Variants in PLA2G5 observed in about 807,000 individuals in gnomAD.
The protein encoded by PLA2G5 is phospholipase A2 group V, also known as Ca2+-dependent phospholipase A2.
A neutral mutation model predicts 15.9 loss-of-function variants in PLA2G5; 12 were observed. The observed-to-expected ratio is 0.76, with a 90% confidence interval of 0.48 to 1.23. The LOEUF is 1.23. Ranked by LOEUF, PLA2G5 falls within the 50% of genes most tolerant of loss-of-function variation. The pLI is 0.00. For synonymous variants in PLA2G5, 71 were observed against 71.4 expected (o/e 0.99, Z 0.03); for missense variants, 169 against 177.1 (o/e 0.95, Z 0.26).
chr1:20,067,623 G>A (rs2015106672), upstream of PLA2G5, among the ~76,000 whole-genome samples: 1 of 152,110 alleles, frequency 6.6e-6, no homozygotes, highest in African/African-American at 2.4e-5. Flanking sequence ...GGGAGGCAGA[G>A]GTTGCAGTGA....
chr1:20,039,705 T>A lies in PLA2G5; in HGVS notation n.276+10996T>A, dbSNP rs539025313. On this transcript the variant is annotated intron_variant and non_coding_transcript_variant, in intron 1 of 6. Coordinates refer to the PLA2G5 transcript ENST00000460175. ...AGAGAGAGAGAAGCCATTTTTTGTG[T>A]GCCATGTCTTATAAGAACTTTACAT... 9.2e-5 allele frequency among the ~76,000 whole-genome samples: 14 copies of A among 152,292 alleles called. No homozygotes were observed. In the South Asian group the frequency reaches 1.9e-3, roughly 20 times the overall value.
chr1:20,047,085 C>A (rs1266625813), intron 1 of PLA2G5, among the ~76,000 whole-genome samples: 1 of 152,162 alleles, frequency 6.6e-6, no homozygotes, highest in South Asian at 2.1e-4. Flanking sequence ...GGGGGTTTAA[C>A]CCCCTGTGAT....
intron 2 of PLA2G5, among the ~76,000 whole-genome samples, chr1:20,064,944 T>C (rs1216295501): frequency 6.6e-6 from 1 of 152,152 alleles, no homozygotes; most frequent in Non-Finnish European, 1.5e-5. Context: ...CCAGTTGACT[T>C]GTAGACACAG....
At chr1:20,051,323 A>C in intron 1 of PLA2G5, among the ~76,000 whole-genome samples, 1 of 152,200 alleles carries the variant, frequency 6.6e-6, no homozygotes, top group East Asian at 1.9e-4. Flanking sequence ...TAGAAGAAAA[A>C]CTGTCATGAC....
At chr1:20,037,648 T>C (rs953092347) in intron 1 of PLA2G5, among the ~76,000 whole-genome samples, 12 of 152,192 alleles carry the variant, frequency 7.9e-5, no homozygotes, top group Non-Finnish European at 1.5e-4. Context: ...AGGGTTGTTC[T>C]GTTATGAGTT....
chr1:20,086,300 A>G, intron 3 of PLA2G5, 73 bp downstream of exon 3: 2 of 1,473,618 alleles, frequency 1.4e-6, no homozygotes. Context: ...ATTCCATATC[A>G]GTTCTGGAAG....
In PLA2G5 at chr1:20,089,921, C is replaced by T. The variant is rs373543400; in HGVS notation, c.292+26C>T. ...GTAAGGCTGGGGCTTCCCGTTCGGG[C>T]CATTGGAAGAGCACCTGACTTTAAG... is the stretch of plus-strand genomic sequence containing the variant. On this transcript the variant is annotated intron_variant, in intron 4 of 4. Coordinates refer to ENST00000375108, the MANE Select transcript of PLA2G5 (RefSeq NM_000929.3). 1.3e-4 allele frequency: 195 copies of T among 1,534,148 alleles called. 1 individual carries two copies. The African/African-American group carries it at 2.5e-3, about 20-fold the overall frequency.
chr1:20,082,184 G>A (rs1383114713), intron 1 of PLA2G5, among the ~76,000 whole-genome samples: 1 of 151,932 alleles, frequency 6.6e-6, no homozygotes, highest in Admixed American at 6.5e-5. Flanking sequence ...CCAACCAGGC[G>A]ACTTGAGAGA....
At chr1:20,047,046 G>A (rs2013940835) in intron 1 of PLA2G5, among the ~76,000 whole-genome samples, 1 of 152,202 alleles carries the variant, frequency 6.6e-6, no homozygotes, top group Non-Finnish European at 1.5e-5. Context: ...AGGTGCCCCT[G>A]AGTAACCAGG....
chr1:20,038,785 G>GA (rs1056581910), intron 1 of PLA2G5, among the ~76,000 whole-genome samples: 3 of 151,818 alleles, frequency 2.0e-5, no homozygotes, highest in African/African-American at 7.3e-5. Flanking sequence ...CTCAAAAAAA[G>GA]AAAAAAAGGA....
intron 1 of PLA2G5, among the ~76,000 whole-genome samples, chr1:20,030,925 A>G (rs539124856): frequency 1.3e-5 from 2 of 152,268 alleles, no homozygotes; most frequent in South Asian, 2.1e-4. Flanking sequence ...AGGCAGAATA[A>G]TTTTTCTTAG....
In PLA2G5 at chr1:20,089,349, G is replaced by A. The variant is rs11573286; in HGVS notation, c.186-440G>A. 3.5e-3 allele frequency among the ~76,000 whole-genome samples: 529 copies of A among 152,318 alleles called. 2 individuals carry two copies. Among genetic ancestry groups the A allele is most frequent in the Admixed American group, 6.4e-3 (98 of 15,304 alleles). ...ACAGTTCAGTAGGAATCACACGTTGGCTCCTCCCATCTTGTAGTTCTGCCA... is the reference window on the plus strand; with the variant it reads ...ACAGTTCAGTAGGAATCACACGTTGACTCCTCCCATCTTGTAGTTCTGCCA... On this transcript the variant is annotated intron_variant, in intron 3 of 4. Transcript: ENST00000375108.
chr1:20,038,981 C>A (rs1288347619), intron 1 of PLA2G5, among the ~76,000 whole-genome samples: 1 of 152,100 alleles, frequency 6.6e-6, no homozygotes, highest in Non-Finnish European at 1.5e-5. Flanking sequence ...TGTCTACACT[C>A]AGTTGTGGTG....
chr1:20,053,126 T>A (rs2014258725), intron 1 of PLA2G5, among the ~76,000 whole-genome samples: 1 of 152,218 alleles, frequency 6.6e-6, no homozygotes, highest in Non-Finnish European at 1.5e-5. Context: ...CGTGGATGTG[T>A]GTCATCAATC....
chr1:20,041,268 A>T (rs189539030), intron 1 of PLA2G5, among the ~76,000 whole-genome samples: 1 of 152,100 alleles, frequency 6.6e-6, no homozygotes, highest in Admixed American at 6.6e-5. Flanking sequence ...GTCTGGGAGC[A>T]CCCCCTCCAG....
chr1:20,075,867 T>C (rs2015636195), intron 1 of PLA2G5, among the ~76,000 whole-genome samples: 1 of 133,280 alleles, frequency 7.5e-6, no homozygotes, highest in Non-Finnish European at 1.6e-5. Context: ...GATTTCTTTC[T>C]CTTTTTTTTT....
At chr1:20,069,676 A>G (rs1490807823), upstream of PLA2G5, among the ~76,000 whole-genome samples, 1 of 19,802 alleles carries the variant, frequency 5.0e-5, no homozygotes, top group African/African-American at 1.4e-4. Flanking sequence ...AGAAAGAAAG[A>G]AAGAAAGAAA....
intron 2 of PLA2G5, among the ~76,000 whole-genome samples, chr1:20,061,505 G>A (rs2014726982): frequency 6.7e-6 from 1 of 149,858 alleles, no homozygotes; most frequent in African/African-American, 2.5e-5. Context: ...AGGATTGCTT[G>A]AGCCTAGGAG....
chr1:20,037,135 G>C (rs1391040243), intron 1 of PLA2G5, among the ~76,000 whole-genome samples: 1 of 152,190 alleles, frequency 6.6e-6, no homozygotes, highest in African/African-American at 2.4e-5. Context: ...ACCTTGCTCT[G>C]TCATATTACC....
Sources: gnomAD v4.1 joint callset for allele counts (sites outside exome capture counted in the v4.1 genomes callset) on GRCh38, gnomAD v4.1.1 for gene constraint, MANE v1.5 for transcripts, NCBI Gene and HGNC (gene_info 2026-07-23, HGNC 2026-07-21) for gene names.